SHPRH: variants seen among roughly 807,000 people sequenced by gnomAD.
The protein encoded by SHPRH is E3 ubiquitin-protein ligase SHPRH.
Under a neutral mutation model 202.5 loss-of-function variants are expected in SHPRH, and 106 were observed. The observed-to-expected ratio is 0.52, with a 90% CI of 0.45 to 0.62. The LOEUF (loss-of-function observed/expected upper bound fraction) is 0.62, where lower values mean the gene tolerates loss of function less well. Ranked by LOEUF, SHPRH falls within the 20% of genes least tolerant of loss-of-function variation. The pLI is 0.00. For missense variants in SHPRH, 1,710 were observed against 2,020.0 expected, an observed-to-expected ratio of 0.85 and a Z score of 2.94; for synonymous variants, 729 against 686.0, an observed-to-expected ratio of 1.06 and a Z score of -0.98.
At chr6:145,920,862 A>AT (rs1451916266) in intron 21 of SHPRH, among the ~76,000 whole-genome samples, 1 of 152,132 alleles carries the variant, frequency 6.6e-6, no homozygotes, top group Non-Finnish European at 1.5e-5. Flanking sequence ...CTAATTTCAT[A>AT]TAATAGCAGT....
At chr6:145,858,005 C>T in the SHPRH span, among the ~76,000 whole-genome samples, 1 of 152,046 alleles carries the variant, frequency 6.6e-6, no homozygotes, top group Non-Finnish European at 1.5e-5. Context: ...CAAATCAAAA[C>T]CACAATGTGA....
At chr6:145,918,378 TA>T (rs1051941804) in intron 22 of SHPRH, 146 bp from the exon 23 acceptor site, 14 of 466,628 alleles carry the variant, frequency 3.0e-5, no homozygotes, top group African/African-American at 2.5e-4. Context: ...TCAAAATGGA[TA>T]CTAGATAATA....
At chr6:145,928,509 G>C (rs1402079931) in intron 14 of SHPRH, among the ~76,000 whole-genome samples, 1 of 151,370 alleles carries the variant, frequency 6.6e-6, no homozygotes, top group Non-Finnish European at 1.5e-5. Context: ...CATGTAATTA[G>C]GACCATGTTC....
chr6:145,862,078 C>A (rs2128682014), downstream of SHPRH, among the ~76,000 whole-genome samples: 1 of 152,162 alleles, frequency 6.6e-6, no homozygotes, highest in South Asian at 2.1e-4. Context: ...TTTTGGAGAT[C>A]TACTGTACAA....
intron 10 of SHPRH, among the ~76,000 whole-genome samples, chr6:145,941,105 C>A (rs1023282078): frequency 6.6e-6 from 1 of 152,278 alleles, no homozygotes; most frequent in South Asian, 2.1e-4. Flanking sequence ...TCACTCTATC[C>A]TCCAGATATA....
At chr6:145,924,210 A>G (rs1784671777) in intron 17 of SHPRH, among the ~76,000 whole-genome samples, 1 of 151,960 alleles carries the variant, frequency 6.6e-6, no homozygotes, top group African/African-American at 2.4e-5. Context: ...ATAACTCACA[A>G]AATTATATCC....
intron 4 of SHPRH, among the ~76,000 whole-genome samples, 153 bp from the exon 5 acceptor site, chr6:145,948,503 C>T (rs1787634134): frequency 6.6e-6 from 1 of 152,022 alleles, no homozygotes; most frequent in Admixed American, 6.6e-5. Context: ...ACATACTTAA[C>T]ACATGAGTAA....
intron 24 of SHPRH, among the ~76,000 whole-genome samples, chr6:145,910,845 G>GA (rs1583366778): frequency 6.6e-6 from 1 of 152,056 alleles, no homozygotes; most frequent in East Asian, 1.9e-4. Flanking sequence ...AAGTGAGTAT[G>GA]ATAGTCAGTC....
At chr6:145,867,595 A>T (rs1779832674) in intron 2 of SHPRH, among the ~76,000 whole-genome samples, 1 of 83,560 alleles carries the variant, frequency 1.2e-5, no homozygotes, top group Non-Finnish European at 2.4e-5. Context: ...TGTCTTCAAA[A>T]AAGAATATAT....
chr6:145,893,391 C>T lies in SHPRH; in HGVS notation c.4698G>A (p.Glu1566=), dbSNP rs914094015. The T allele has an allele frequency of 6.3e-7, 1 of 1,578,914 alleles. No homozygotes were observed. The highest frequency in any genetic ancestry group is 1.4e-5 in the African/African-American group (1 of 72,256). The part of the protein sequence containing the change: ...AQISRVKTFQ[E]NLSAFKRDPQ... ...GATCACGTTTAAATGCTGAAAGGTTCTCCTAAAAAAGAAAGGTACATTTTA... is the reference window on the plus strand; with the variant it reads ...GATCACGTTTAAATGCTGAAAGGTTTTCCTAAAAAAGAAAGGTACATTTTA... Residue 1566 remains glutamate (E), a splice_region_variant and synonymous_variant, in exon 28 of 30, where the codon GAG becomes GAA. Coordinates refer to ENST00000275233, the MANE Select transcript of SHPRH (RefSeq NM_001042683.3).
At position 145,946,348 on chromosome 6, in the gene SHPRH, C is replaced by T. The variant is rs1787371496; in HGVS notation, c.1213-7G>A. 3 of 1,593,244 alleles carry T rather than the reference C, an allele frequency of 1.9e-6. No individual in the cohort carries two copies. Among genetic ancestry groups the T allele is most frequent in the African/African-American group, 2.7e-5 (2 of 74,164 alleles). The stretch of plus-strand genomic sequence containing the variant: ...AATAATTCACCACTTTTCCCTGATA[C>T]AAACAACAGTCAGTAGTTACACAGT... On this transcript the variant is annotated splice_region_variant and splice_polypyrimidine_tract_variant and intron_variant, in intron 6 of 29. Transcript: ENST00000275233.
intron 14 of SHPRH, among the ~76,000 whole-genome samples, chr6:145,932,507 C>G (rs377313333): frequency 1.5e-3 from 221 of 151,516 alleles, no homozygotes; most frequent in South Asian, 2.1e-3. Flanking sequence ...CATATACGTT[C>G]TGTGTGTGTG....
In SHPRH at chr6:145,943,385, G is replaced by C; in HGVS notation, c.1996C>G (p.Leu666Val). 6.2e-7 allele frequency: 1 copy of C among 1,614,002 alleles called. No individual in the cohort carries two copies. Among genetic ancestry groups the C allele is most frequent in the Non-Finnish European group, 8.5e-7 (1 of 1,179,946 alleles). ...DYRFECICGE[L>V]DQIDRKPRVQ... Reference sequence around the variant, plus strand: ...CGAGGCTTACGATCTATCTGATCAAGTTCACCACATATACACTCAAAGCGG... The same window carrying C: ...CGAGGCTTACGATCTATCTGATCAACTTCACCACATATACACTCAAAGCGG... Residue 666 changes from leucine to valine, a missense_variant, in exon 9 of 30, where the codon CTT (leucine) becomes GTT (valine). Coordinates refer to ENST00000275233, the MANE Select transcript of SHPRH (RefSeq NM_001042683.3).
At chr6:145,955,471 G>A (rs1236414706) in intron 1 of SHPRH, 117 bp from the exon 2 acceptor site, 3 of 1,020,408 alleles carry the variant, frequency 2.9e-6, no homozygotes, top group Non-Finnish European at 4.2e-6. Context: ...GAAATCTTCT[G>A]TGAGATATAA....
intron 11 of SHPRH, among the ~76,000 whole-genome samples, chr6:145,938,665 TTCA>T (rs1786385243): frequency 6.6e-6 from 1 of 152,176 alleles, no homozygotes. Context: ...CTTTGTATAC[TTCA>T]TCATAATTCA....
At chr6:145,919,791 T>C (rs950149553) in intron 21 of SHPRH, among the ~76,000 whole-genome samples, 5 of 152,296 alleles carry the variant, frequency 3.3e-5, no homozygotes, top group Admixed American at 2.6e-4. Context: ...TTTTTAAAAA[T>C]AGTTTTATTA....
intron 2 of SHPRH, among the ~76,000 whole-genome samples, chr6:145,879,047 A>G (rs1202471237): frequency 6.6e-6 from 1 of 152,202 alleles, no homozygotes; most frequent in Non-Finnish European, 1.5e-5. Flanking sequence ...AACAGATGGG[A>G]ATAATACAGT....
In SHPRH at chr6:145,954,879, C is replaced by A; in HGVS notation, c.444G>T (p.Gln148His). Residue 148 changes from glutamine to histidine, a missense_variant, in exon 2 of 30, where the codon CAG becomes CAT. Transcript: ENST00000275233. ...ITLMSSESSNQFLIYVHSKGE... is the reference protein window; with the variant it reads ...ITLMSSESSNHFLIYVHSKGE... ...CTTTTGAATGAACATAAATCAGGAA[C>A]TGATTGCTTGACTCTGAACTCATCA... 2.5e-6 allele frequency: 4 copies of A among 1,613,634 alleles called. No homozygotes were observed. Among genetic ancestry groups the A allele is most frequent in the Non-Finnish European group, 2.5e-6 (3 of 1,179,844 alleles).
At chr6:145,870,854 T>A (rs982358283) in intron 2 of SHPRH, 1 of 152,224 alleles carries the variant, frequency 6.6e-6, no homozygotes, top group East Asian at 1.9e-4. Flanking sequence ...GAGTGTTTAT[T>A]AAGAATGGGT....
Sources: gnomAD v4.1 joint callset for allele counts (sites outside exome capture counted in the v4.1 genomes callset) on GRCh38, gnomAD v4.1.1 for gene constraint, MANE v1.5 for transcripts, NCBI Gene and HGNC (gene_info 2026-07-23, HGNC 2026-07-21) for gene names.